PKIG: variants seen among roughly 807,000 people sequenced by gnomAD.
The protein encoded by PKIG is cAMP-dependent protein kinase inhibitor gamma.
PKIG carries 1 observed loss-of-function variant against 6.8 expected under a neutral mutation model. The observed-to-expected ratio is 0.15, with a 90% CI of 0.05 to 0.69. The LOEUF is 0.69. Among genes scored for constraint, PKIG ranks in the 30% least tolerant of loss-of-function variants. The pLI, the probability that PKIG is intolerant of heterozygous loss-of-function variation, is 0.82. For synonymous variants in PKIG, 39 were observed against 43.0 expected (o/e 0.91, Z 0.36); for missense variants, 77 against 104.0 (o/e 0.74, Z 1.13).
At chr20:44,543,837 T>C (rs1489121401) in intron 1 of PKIG, among the ~76,000 whole-genome samples, 1 of 151,944 alleles carries the variant, frequency 6.6e-6, no homozygotes, top group East Asian at 1.9e-4. Flanking sequence ...CCGAGGCGGG[T>C]GGATCACCTG....
chr20:44,607,786 G>A (rs1161005958), intron 2 of PKIG, among the ~76,000 whole-genome samples: 3 of 150,478 alleles, frequency 2.0e-5, no homozygotes, highest in South Asian at 2.1e-4. Context: ...CTGGGTTCAC[G>A]CCATTCTCCT....
At chr20:44,600,365 T>C (rs982775135) in intron 2 of PKIG, among the ~76,000 whole-genome samples, 1 of 152,100 alleles carries the variant, frequency 6.6e-6, no homozygotes, top group African/African-American at 2.4e-5. Flanking sequence ...ATTCCAGTGA[T>C]CCAATTTCCA....
chr20:44,586,172 T>TG (rs1329498859), intron 1 of PKIG, among the ~76,000 whole-genome samples: 2 of 152,150 alleles, frequency 1.3e-5, no homozygotes, highest in East Asian at 1.9e-4. Flanking sequence ...TTCTGTCAAG[T>TG]GGGGGGTCAC....
chr20:44,595,705 G>T (rs954812056), intron 2 of PKIG, among the ~76,000 whole-genome samples: 4 of 151,992 alleles, frequency 2.6e-5, no homozygotes. Flanking sequence ...GTAGAGATGG[G>T]GTTTTACCAT....
At chr20:44,570,486 C>T (rs2064845234) in intron 1 of PKIG, among the ~76,000 whole-genome samples, 2 of 152,120 alleles carry the variant, frequency 1.3e-5, no homozygotes, top group African/African-American at 4.8e-5. Flanking sequence ...GTCATACATA[C>T]CAGTATTTAG....
intron 1 of PKIG, among the ~76,000 whole-genome samples, chr20:44,569,960 T>A (rs768903017): frequency 6.6e-6 from 1 of 152,148 alleles, no homozygotes; most frequent in Non-Finnish European, 1.5e-5. Context: ...AGACCCTGTC[T>A]CCACAGGAAA....
intron 2 of PKIG, among the ~76,000 whole-genome samples, chr20:44,607,036 C>T (rs4812842): frequency 0.027 from 4,063 of 152,244 alleles, 198 homozygotes; most frequent in Admixed American, 0.14. Flanking sequence ...CAGCACAAAA[C>T]GGACTGAGAG....
chr20:44,612,989 T>C (rs2065232394), intron 2 of PKIG, among the ~76,000 whole-genome samples: 1 of 152,122 alleles, frequency 6.6e-6, no homozygotes, highest in African/African-American at 2.4e-5. Context: ...CTTAGTGACA[T>C]GTTCTAAAGC....
chr20:44,613,214 G>A (rs1041674408), intron 2 of PKIG, among the ~76,000 whole-genome samples: 1 of 152,030 alleles, frequency 6.6e-6, no homozygotes, highest in Non-Finnish European at 1.5e-5. Context: ...CGCCCAGGCT[G>A]GAGTGCAGTG....
At chr20:44,544,312 T>G (rs2064590753) in intron 1 of PKIG, among the ~76,000 whole-genome samples, 2 of 152,180 alleles carry the variant, frequency 1.3e-5, no homozygotes, top group South Asian at 4.1e-4. Flanking sequence ...GGAAAATTTT[T>G]TTTTTTCTAT....
At chr20:44,555,717 A>G (rs557889853) in intron 1 of PKIG, among the ~76,000 whole-genome samples, 1 of 152,304 alleles carries the variant, frequency 6.6e-6, no homozygotes, top group South Asian at 2.1e-4. Flanking sequence ...ACATATATGT[A>G]TATTTATTTT....
At chr20:44,568,277 G>A (rs957925374) in intron 1 of PKIG, among the ~76,000 whole-genome samples, 1 of 152,126 alleles carries the variant, frequency 6.6e-6, no homozygotes, top group African/African-American at 2.4e-5. Context: ...TTTTGTAGAA[G>A]TAATGCTATA....
intron 1 of PKIG, among the ~76,000 whole-genome samples, chr20:44,558,842 C>T (rs987698875): frequency 6.6e-6 from 1 of 151,978 alleles, no homozygotes; most frequent in Non-Finnish European, 1.5e-5. Context: ...GCCTCCACCT[C>T]CACAGCTCAA....
At chr20:44,608,814 A>AT (rs61433589) in intron 2 of PKIG, among the ~76,000 whole-genome samples, 143,462 of 150,136 alleles carry the variant, frequency 0.96, 68,656 homozygotes, top group Non-Finnish European at 0.98. Flanking sequence ...AAAAAAAAAA[A>AT]AATACTATGA....
chr20:44,611,044 T>C (rs2065213891), intron 2 of PKIG, among the ~76,000 whole-genome samples: 2 of 151,066 alleles, frequency 1.3e-5, no homozygotes, highest in African/African-American at 2.5e-5. Flanking sequence ...TTTTGTAATA[T>C]AGAATGCCTT....
At chr20:44,616,956 T>TA (rs1248807064) in intron 3 of PKIG, among the ~76,000 whole-genome samples, 1 of 152,208 alleles carries the variant, frequency 6.6e-6, no homozygotes, top group African/African-American at 2.4e-5. Flanking sequence ...CAGGCCTCTA[T>TA]AAACCTTCAG....
intron 3 of PKIG, among the ~76,000 whole-genome samples, chr20:44,616,855 A>G (rs2065269798): frequency 6.6e-6 from 1 of 152,226 alleles, no homozygotes; most frequent in Admixed American, 6.5e-5. Flanking sequence ...GAATAAAAGC[A>G]GGCTTTCCAG....
chr20:44,550,247 A>G (rs1206408996), intron 1 of PKIG, among the ~76,000 whole-genome samples: 3 of 151,746 alleles, frequency 2.0e-5, no homozygotes, highest in Non-Finnish European at 4.4e-5. Flanking sequence ...TTGAATTAAA[A>G]GATAAAAATG....
At chr20:44,540,563 G>GT (rs139173086) in intron 1 of PKIG, among the ~76,000 whole-genome samples, 8,232 of 149,658 alleles carry the variant, frequency 0.055, 279 homozygotes, top group Non-Finnish European at 0.075. Flanking sequence ...TTTTTGTTTT[G>GT]TTTTTTTTTG....
Sources: allele counts gnomAD v4.1 joint callset (sites outside exome capture counted in the v4.1 genomes callset), GRCh38; gene constraint gnomAD v4.1.1; transcripts MANE v1.5; gene names NCBI Gene and HGNC (gene_info 2026-07-23, HGNC 2026-07-21).